Variants in XYLT1 observed in about 807,000 individuals in gnomAD.
XYLT1 encodes xylosyltransferase 1, also known as beta-D-xylosyltransferase 1.
In XYLT1, 36 loss-of-function variants were observed where a neutral mutation model predicts 91.3. The ratio of observed to expected loss-of-function variants is 0.39; its 90% CI spans 0.30 to 0.52. The LOEUF (loss-of-function observed/expected upper bound fraction) is 0.52. Among genes scored for constraint, XYLT1 ranks in the 20% least tolerant of loss-of-function variants. The pLI is 0.68. For missense variants in XYLT1, 1,242 were observed against 1,284.5 expected, an observed-to-expected ratio of 0.97 and a Z score of 0.51; for synonymous variants, 588 against 532.0, an observed-to-expected ratio of 1.11 and a Z score of -1.45.
At chr16:17,385,681 A>T (rs2141887601) in intron 1 of XYLT1, among the ~76,000 whole-genome samples, 1 of 152,006 alleles carries the variant, frequency 6.6e-6, no homozygotes, top group East Asian at 2.0e-4. Context: ...TCTTTTTAAA[A>T]TAAAGCTTTA....
chr16:17,326,232 GCTA>G (rs2034799282), intron 2 of XYLT1, among the ~76,000 whole-genome samples: 1 of 151,932 alleles, frequency 6.6e-6, no homozygotes, highest in Non-Finnish European at 1.5e-5. Flanking sequence ...AACTACAGGT[GCTA>G]TGCTGTCCAG....
intron 3 of XYLT1, among the ~76,000 whole-genome samples, chr16:17,253,032 C>A (rs374707783): frequency 3.3e-5 from 5 of 152,220 alleles, no homozygotes; most frequent in African/African-American, 1.2e-4. Context: ...GACCACTGGG[C>A]TGAAGCTCAA....
chr16:17,331,856 T>G (rs189643076), intron 2 of XYLT1, among the ~76,000 whole-genome samples: 211 of 152,348 alleles, frequency 1.4e-3, no homozygotes, highest in East Asian at 0.013. Context: ...GCATCTCATA[T>G]GGCTTGAATG....
Position 17,211,875 on chromosome 16 carries a change from CTTG to C in XYLT1, c.914-11224_914-11222del, listed in dbSNP as rs569997239. ...ATTGATATTTGAGGCCAGATAATTC[CTTG>C]TTGTGGAGGGGACTGTCCTGCGCAC... On this transcript the variant is annotated intron_variant, in intron 3 of 11. Coordinates refer to ENST00000261381, the MANE Select transcript of XYLT1 (RefSeq NM_022166.4). Among the ~76,000 whole-genome samples, 33 of 152,294 alleles carry C rather than the reference CTTG, an allele frequency of 2.2e-4. No individual in the cohort carries two copies. The Middle Eastern group carries it at 0.014, about 63-fold the overall frequency.
rs765782913 is a variant in XYLT1 at position 17,117,986 on chromosome 16, CAG to C, written c.2224-9_2224-8del. ...CATCCCAGTCAGTGCCGACCTGAAA[CAG>C]GGGAGTGAATTCTGAAGTCACTGGG... On this transcript the variant is annotated splice_polypyrimidine_tract_variant and splice_region_variant and intron_variant, in intron 10 of 11. Transcript: ENST00000261381. 112 of 1,602,782 alleles carry C rather than the reference CAG, an allele frequency of 7.0e-5. No homozygotes were observed. Among genetic ancestry groups the C allele is most frequent in the Admixed American group, 3.0e-4 (18 of 59,610 alleles).
chr16:17,109,348 T>A (rs1292815683), intron 11 of XYLT1, among the ~76,000 whole-genome samples: 1 of 152,152 alleles, frequency 6.6e-6, no homozygotes. Context: ...CAACACATAT[T>A]TACTAAACAC....
intron 1 of XYLT1, among the ~76,000 whole-genome samples, chr16:17,459,074 C>T (rs2036781620): frequency 1.3e-5 from 2 of 152,130 alleles, no homozygotes; most frequent in East Asian, 1.9e-4. Context: ...AGAACGCAGG[C>T]AATATTTAAG....
At position 17,455,785 on chromosome 16, in the gene XYLT1, C is replaced by T. The variant is rs552465896; in HGVS notation, c.363+14649G>A. On this transcript the variant is annotated intron_variant, in intron 1 of 11. Transcript: ENST00000261381. ...GTTCACCCAATTACCAGCGACTCCT[C>T]GCATGGAAATCTACCATCAATACTA... 4.0e-3 allele frequency among the ~76,000 whole-genome samples: 609 copies of T among 152,254 alleles called. 5 individuals are homozygous for T. Among genetic ancestry groups the T allele is most frequent in the African/African-American group, 0.013 (556 of 41,544 alleles).
intron 1 of XYLT1, among the ~76,000 whole-genome samples, chr16:17,443,678 T>C (rs1185859031): frequency 1.3e-5 from 2 of 152,226 alleles, no homozygotes; most frequent in Admixed American, 6.5e-5. Context: ...TCCTGCTACA[T>C]GACAGGCATT....
intron 3 of XYLT1, among the ~76,000 whole-genome samples, chr16:17,248,193 G>T: frequency 6.6e-6 from 1 of 152,140 alleles, no homozygotes; most frequent in East Asian, 1.9e-4. Context: ...TTATAAAGAG[G>T]AATCTCCCTG....
intron 2 of XYLT1, among the ~76,000 whole-genome samples, chr16:17,268,758 C>T (rs1350841259): frequency 6.6e-6 from 1 of 151,236 alleles, no homozygotes; most frequent in East Asian, 2.0e-4. Context: ...CCGCAACCTC[C>T]GCTTCCCGGG....
intron 2 of XYLT1, among the ~76,000 whole-genome samples, chr16:17,286,932 G>T (rs62033197): frequency 0.13 from 19,890 of 152,056 alleles, 1,433 homozygotes; most frequent in African/African-American, 0.16. Flanking sequence ...GGTGTTTGGG[G>T]AGGTCAAACC....
At chr16:17,293,816 A>G (rs375819877) in intron 2 of XYLT1, among the ~76,000 whole-genome samples, 193 of 152,250 alleles carry the variant, frequency 1.3e-3, no homozygotes, top group African/African-American at 4.5e-3. Flanking sequence ...AGTCACCACT[A>G]GTGCCCAATG....
chr16:17,406,185 A>C (rs1055079364), intron 1 of XYLT1, among the ~76,000 whole-genome samples: 5 of 152,218 alleles, frequency 3.3e-5, no homozygotes, highest in Non-Finnish European at 7.3e-5. Context: ...ACTCTATTTT[A>C]TAAAAATAAG....
At chr16:17,214,226 G>A (rs946326798) in intron 3 of XYLT1, among the ~76,000 whole-genome samples, 1 of 152,194 alleles carries the variant, frequency 6.6e-6, no homozygotes, top group Non-Finnish European at 1.5e-5. Context: ...ACTCTGGAAA[G>A]GCTACATAGC....
intron 8 of XYLT1, among the ~76,000 whole-genome samples, chr16:17,135,238 G>C (rs149429697): frequency 6.6e-6 from 1 of 152,274 alleles, no homozygotes; most frequent in African/African-American, 2.4e-5. Context: ...AAAGCTGAAG[G>C]GTGGTGGCTG....
chr16:17,380,459 GA>G (rs981319567), intron 1 of XYLT1, among the ~76,000 whole-genome samples: 22 of 152,180 alleles, frequency 1.4e-4, no homozygotes, highest in Non-Finnish European at 2.8e-4. Context: ...ACAGAGACTG[GA>G]AAAGAAGGAG....
chr16:17,462,457 G>A (rs946079522), intron 1 of XYLT1, among the ~76,000 whole-genome samples: 8 of 152,224 alleles, frequency 5.3e-5, no homozygotes, highest in African/African-American at 1.7e-4. Flanking sequence ...CGGGAAGGGG[G>A]CAACCGAACC....
intron 8 of XYLT1, among the ~76,000 whole-genome samples, chr16:17,136,259 GAAGCCCAAATGCATGACTCCAA>G (rs1307411056): frequency 2.6e-5 from 4 of 152,144 alleles, no homozygotes; most frequent in Non-Finnish European, 4.4e-5. Flanking sequence ...TGTAAGATTT[GAAGCCCAAATGCATGACTCCAA>G]AATCCAAGCC....
Sources: allele counts gnomAD v4.1 joint callset (sites outside exome capture counted in the v4.1 genomes callset), GRCh38; gene constraint gnomAD v4.1.1; transcripts MANE v1.5; gene names NCBI Gene and HGNC (gene_info 2026-07-23, HGNC 2026-07-21).